KSR2: variants seen among roughly 807,000 people sequenced by gnomAD.
The protein encoded by KSR2 is kinase suppressor of ras 2.
A neutral mutation model predicts 107.8 loss-of-function variants in KSR2; 25 were observed. That is an observed-to-expected ratio of 0.23 (90% CI 0.17 to 0.32). The LOEUF (loss-of-function observed/expected upper bound fraction) is 0.32. KSR2 is among the 10% of genes least tolerant of loss of function. The probability of loss-of-function intolerance (pLI) is 1.00; values close to 1 mark genes in which losing one functional copy is unlikely to be tolerated. For synonymous variants in KSR2, 480 were observed against 507.0 expected (o/e 0.95, Z 0.71); for missense variants, 887 against 1,268.9 (o/e 0.70, Z 4.57).
At chr12:117,689,166 C>T (rs1753775400) in intron 4 of KSR2, among the ~76,000 whole-genome samples, 1 of 152,080 alleles carries the variant, frequency 6.6e-6, no homozygotes, top group Non-Finnish European at 1.5e-5. Flanking sequence ...ATCTATTTCT[C>T]TTTGTAGAAA....
rs1036106586 is a variant in KSR2 at position 117,539,373 on chromosome 12, C to T, written c.1687+346G>A. 1.2e-5 allele frequency: 3 copies of T among 257,124 alleles called. No homozygotes were observed. In the South Asian group the frequency reaches 4.0e-4, roughly 34 times the overall value. The allele number at this position is 257,124 out of a possible 1,614,324, so 15.9% of individuals were successfully genotyped here. ...ACTGTCATCTCCAGAGCCAATGGCT[C>T]CCTTCTGTGACTTAGACTTAGGCGA... On this transcript the variant is annotated intron_variant, in intron 10 of 19. Coordinates refer to ENST00000339824, the MANE Select transcript of KSR2 (RefSeq NM_173598.6).
intron 14 of KSR2, among the ~76,000 whole-genome samples, chr12:117,518,703 T>A (rs2134142): frequency 4.1e-4 from 63 of 152,134 alleles, no homozygotes; most frequent in African/African-American, 1.1e-3. Flanking sequence ...ATTCAAAGCC[T>A]TGCAATTATC....
chr12:117,612,131 G>A (rs574766059), intron 5 of KSR2, among the ~76,000 whole-genome samples: 3 of 152,168 alleles, frequency 2.0e-5, no homozygotes, highest in South Asian at 4.1e-4. Flanking sequence ...TCATCCAGGC[G>A]CAGTGGCTCA....
chr12:117,760,394 T>C (rs1019010174), intron 4 of KSR2, among the ~76,000 whole-genome samples: 1 of 152,236 alleles, frequency 6.6e-6, no homozygotes, highest in African/African-American at 2.4e-5. Context: ...TCAAAGACTT[T>C]GTATTTTAAA....
At chr12:117,610,332 A>G (rs1881523070) in intron 5 of KSR2, among the ~76,000 whole-genome samples, 1 of 152,226 alleles carries the variant, frequency 6.6e-6, no homozygotes, top group African/African-American at 2.4e-5. Context: ...GTTTTAGAAT[A>G]ACAGAATTGT....
At chr12:117,852,754 G>A (rs1288254507) in intron 3 of KSR2, among the ~76,000 whole-genome samples, 1 of 152,148 alleles carries the variant, frequency 6.6e-6, no homozygotes, top group African/African-American at 2.4e-5. Context: ...AAACTTTCTG[G>A]AAAGATATAT....
chr12:117,963,658 T>C (rs778211225), intron 1 of KSR2, among the ~76,000 whole-genome samples: 8 of 152,182 alleles, frequency 5.3e-5, no homozygotes, highest in Non-Finnish European at 1.2e-4. Context: ...TCCAAAACCT[T>C]TGAAGACTTC....
chr12:117,838,478 T>A (rs1435508152), intron 3 of KSR2, among the ~76,000 whole-genome samples: 1 of 152,182 alleles, frequency 6.6e-6, no homozygotes, highest in East Asian at 1.9e-4. Flanking sequence ...GGACCATGTA[T>A]AATGAAAGTT....
chr12:117,697,391 A>C (rs1323166265), intron 4 of KSR2, among the ~76,000 whole-genome samples: 1 of 152,212 alleles, frequency 6.6e-6, no homozygotes, highest in East Asian at 1.9e-4. Flanking sequence ...ATTTAATGAA[A>C]GTTCAAGACG....
chr12:117,783,014 A>G (rs1239705418), intron 3 of KSR2, among the ~76,000 whole-genome samples: 1 of 152,234 alleles, frequency 6.6e-6, no homozygotes, highest in African/African-American at 2.4e-5. Flanking sequence ...GGTTTCACCA[A>G]GGACTGAACT....
intron 3 of KSR2, among the ~76,000 whole-genome samples, chr12:117,783,928 A>T (rs1279887960): frequency 6.6e-6 from 1 of 152,230 alleles, no homozygotes; most frequent in African/African-American, 2.4e-5. Flanking sequence ...GAAACAGCAC[A>T]GGCACCAAAG....
chr12:117,843,761 G>A (rs1020605837), intron 3 of KSR2, among the ~76,000 whole-genome samples: 1 of 152,068 alleles, frequency 6.6e-6, no homozygotes, highest in Non-Finnish European at 1.5e-5. Flanking sequence ...AACTCACAAA[G>A]GCAATAGCCA....
At chr12:117,944,066 C>A (rs1284565434) in intron 1 of KSR2, among the ~76,000 whole-genome samples, 1 of 152,280 alleles carries the variant, frequency 6.6e-6, no homozygotes, top group South Asian at 2.1e-4. Context: ...TCCATTAAAC[C>A]TCTTTTTCTT....
chr12:117,731,196 C>T (rs1268435618), intron 4 of KSR2, among the ~76,000 whole-genome samples: 4 of 148,728 alleles, frequency 2.7e-5, no homozygotes, highest in South Asian at 2.2e-4. Flanking sequence ...TCTGCCCGGC[C>T]GCCACCCCGT....
In KSR2 at chr12:117,788,809, G is replaced by C. The variant is rs570959468; in HGVS notation, c.473-27285C>G. ...ATTATAGGTGTGAGCCACATTGCCC[G>C]GCCTCCAGAACACATTTCAAATGAC... On this transcript the variant is annotated intron_variant, in intron 3 of 19. Coordinates refer to ENST00000339824, the MANE Select transcript of KSR2 (RefSeq NM_173598.6). Among the ~76,000 whole-genome samples the C allele has an allele frequency of 2.0e-3, 310 of 152,242 alleles. 2 individuals are homozygous for C. In the Middle Eastern group the frequency reaches 0.02, roughly 10 times the overall value.
intron 1 of KSR2, among the ~76,000 whole-genome samples, chr12:117,922,745 T>G (rs77597860): frequency 0.038 from 5,849 of 152,282 alleles, 189 homozygotes; most frequent in East Asian, 0.18. Context: ...ATCTACCACA[T>G]ACAAGGTGCA....
In KSR2 at chr12:117,968,274, CT is replaced by C; in HGVS notation, c.-20del. On this transcript the variant is annotated 5_prime_UTR_variant, in exon 1 of 20. Coordinates refer to ENST00000339824, the MANE Select transcript of KSR2 (RefSeq NM_173598.6). Reference sequence around the variant, plus strand: ...CATCCATCGCTTGCTCTGCAACCCCCTTCCCCTCCTCCTCCTCCCAGAGAGA... The same window carrying C: ...CATCCATCGCTTGCTCTGCAACCCCCTCCCCTCCTCCTCCTCCCAGAGAGA... 6.6e-7 allele frequency: 1 copy of C among 1,524,782 alleles called. No homozygotes were observed. The allele number at this position is 1,524,782 out of a possible 1,614,324, so 94.5% of individuals were successfully genotyped here.
chr12:117,572,273 C>T (rs879375510), intron 7 of KSR2, among the ~76,000 whole-genome samples: 10 of 152,158 alleles, frequency 6.6e-5, no homozygotes, highest in Admixed American at 2.6e-4. Context: ...TGCATCCACC[C>T]GACCTTGATG....
chr12:117,836,389 C>G (rs1229683240), intron 3 of KSR2, among the ~76,000 whole-genome samples: 6 of 152,186 alleles, frequency 3.9e-5, no homozygotes, highest in Non-Finnish European at 7.3e-5. Flanking sequence ...AGAAACCTTT[C>G]ACTTCACCAT....
Sources: gnomAD v4.1 joint callset for allele counts (sites outside exome capture counted in the v4.1 genomes callset) on GRCh38, gnomAD v4.1.1 for gene constraint, MANE v1.5 for transcripts, NCBI Gene and HGNC (gene_info 2026-07-23, HGNC 2026-07-21) for gene names.